Variants in GNG2 observed in about 807,000 individuals in gnomAD.
GNG2 encodes G protein subunit gamma 2.
GNG2 carries 5 observed loss-of-function variants against 5.5 expected under a neutral mutation model. The ratio of observed to expected loss-of-function variants is 0.91; its 90% confidence interval spans 0.48 to 1.92. The LOEUF is 1.92. Among genes scored for constraint, GNG2 ranks in the 30% most tolerant of loss-of-function variants. The pLI is 0.01. For synonymous variants in GNG2, 28 were observed against 32.0 expected (o/e 0.88, Z 0.42); for missense variants, 55 against 88.4 (o/e 0.62, Z 1.52).
chr14:51,910,848 G>A (rs1886247213), intron 2 of GNG2, among the ~76,000 whole-genome samples: 2 of 152,256 alleles, frequency 1.3e-5, no homozygotes, highest in Non-Finnish European at 2.9e-5. Context: ...AATGTTCAAT[G>A]TAAAAAGCCC....
chr14:51,846,896 C>A (rs1369003311), intron 2 of GNG2, among the ~76,000 whole-genome samples: 1 of 152,146 alleles, frequency 6.6e-6, no homozygotes, highest in East Asian at 1.9e-4. Flanking sequence ...AAACATGATT[C>A]TTTTGGTTTT....
intron 2 of GNG2, among the ~76,000 whole-genome samples, chr14:51,898,429 G>T (rs115077618): frequency 1.3e-5 from 2 of 151,996 alleles, no homozygotes; most frequent in African/African-American, 4.8e-5. Flanking sequence ...ATGATGGGAT[G>T]GTTCTCAGAG....
intron 3 of GNG2, among the ~76,000 whole-genome samples, chr14:51,955,722 C>T (rs1889240806): frequency 6.6e-6 from 1 of 152,170 alleles, no homozygotes; most frequent in Non-Finnish European, 1.5e-5. Flanking sequence ...TGGAATTAGT[C>T]ATTTTAAAGA....
At chr14:51,843,137 C>T (rs2140078673) in intron 2 of GNG2, among the ~76,000 whole-genome samples, 1 of 152,290 alleles carries the variant, frequency 6.6e-6, no homozygotes, top group African/African-American at 2.4e-5. Context: ...AATCAATGCT[C>T]TCCTTTCCGT....
chr14:51,853,494 C>T (rs928158088), intron 2 of GNG2, among the ~76,000 whole-genome samples: 10 of 152,176 alleles, frequency 6.6e-5, no homozygotes, highest in African/African-American at 2.2e-4. Context: ...TATGAAAACC[C>T]CTTCCAGTAG....
intron 2 of GNG2, among the ~76,000 whole-genome samples, chr14:51,887,781 C>T (rs1395698197): frequency 6.6e-6 from 1 of 152,162 alleles, no homozygotes; most frequent in African/African-American, 2.4e-5. Context: ...ATGAGAATAA[C>T]TTTACTTGCT....
chr14:51,948,084 G>A (rs1888743992), intron 2 of GNG2, among the ~76,000 whole-genome samples: 1 of 152,226 alleles, frequency 6.6e-6, no homozygotes, highest in South Asian at 2.1e-4. Flanking sequence ...GTAGCAGGAG[G>A]AAGGAGAGAC....
intron 3 of GNG2, among the ~76,000 whole-genome samples, chr14:51,961,325 C>A (rs1254361539): frequency 1.3e-5 from 2 of 152,034 alleles, no homozygotes; most frequent in African/African-American, 4.8e-5. Flanking sequence ...TTGCAAGTAT[C>A]CAGACTACAC....
chr14:51,829,988 G>A (rs987514305), intron 2 of GNG2, among the ~76,000 whole-genome samples: 5 of 152,032 alleles, frequency 3.3e-5, no homozygotes, highest in South Asian at 4.1e-4. Flanking sequence ...GACAACAGGC[G>A]TGCACCACCA....
chr14:51,848,896 T>A (rs925187577), intron 2 of GNG2, among the ~76,000 whole-genome samples: 3 of 152,192 alleles, frequency 2.0e-5, no homozygotes, highest in Non-Finnish European at 4.4e-5. Context: ...TACCCGCTGG[T>A]CTAACACAGA....
chr14:51,957,317 C>G (rs1889332493), intron 3 of GNG2, among the ~76,000 whole-genome samples: 1 of 152,064 alleles, frequency 6.6e-6, no homozygotes. Context: ...TTCTCAATCC[C>G]TCCACTTCCC....
chr14:51,879,957 C>T (rs758484025), intron 2 of GNG2, among the ~76,000 whole-genome samples: 1 of 152,196 alleles, frequency 6.6e-6, no homozygotes, highest in East Asian at 1.9e-4. Context: ...GGTAGAAATG[C>T]TTCAGGTAGC....
chr14:51,926,588 C>A (rs1404062686), intron 2 of GNG2, among the ~76,000 whole-genome samples: 2 of 152,194 alleles, frequency 1.3e-5, no homozygotes, highest in Admixed American at 1.3e-4. Flanking sequence ...TAAAGAGACT[C>A]CCTACCGGCC....
At chr14:51,899,113 C>T (rs1295227952) in intron 2 of GNG2, among the ~76,000 whole-genome samples, 2 of 152,044 alleles carry the variant, frequency 1.3e-5, no homozygotes, top group African/African-American at 2.4e-5. Context: ...CTTTTAACAC[C>T]ACCCTGTCTC....
At chr14:51,949,659 G>A (rs1452801840) in intron 2 of GNG2, among the ~76,000 whole-genome samples, 1 of 152,094 alleles carries the variant, frequency 6.6e-6, no homozygotes, top group Non-Finnish European at 1.5e-5. Context: ...TTATCCAATA[G>A]GATATCAGTG....
intron 2 of GNG2, among the ~76,000 whole-genome samples, chr14:51,934,341 G>A (rs1594934151): frequency 1.3e-5 from 2 of 152,098 alleles, no homozygotes; most frequent in Non-Finnish European, 2.9e-5. Context: ...CAACCAACTG[G>A]GGTCTTCGAG....
At chr14:51,870,141 G>A (rs560361027) in intron 1 of GNG2, among the ~76,000 whole-genome samples, 1 of 152,054 alleles carries the variant, frequency 6.6e-6, no homozygotes, top group South Asian at 2.1e-4. Context: ...ACATTGAATT[G>A]AACAAAGTTT....
chr14:51,871,552 T>A (rs1238509725), intron 1 of GNG2, among the ~76,000 whole-genome samples: 1 of 152,192 alleles, frequency 6.6e-6, no homozygotes, highest in Non-Finnish European at 1.5e-5. Context: ...TTCACAAAAC[T>A]GACAGGAGAA....
intron 2 of GNG2, among the ~76,000 whole-genome samples, chr14:51,929,828 A>G (rs1322122983): frequency 6.6e-6 from 1 of 152,212 alleles, no homozygotes; most frequent in Admixed American, 6.5e-5. Context: ...GTTGTGGCGC[A>G]GGCTGCTCTG....
Sources: gnomAD v4.1 joint callset for allele counts (sites outside exome capture counted in the v4.1 genomes callset) on GRCh38, gnomAD v4.1.1 for gene constraint, MANE v1.5 for transcripts, NCBI Gene and HGNC (gene_info 2026-07-23, HGNC 2026-07-21) for gene names.